The following TNFRSF10D variants were observed in gnomAD, a reference collection of about 807,000 sequenced individuals.
TNFRSF10D encodes the protein TNF receptor superfamily member 10d.
Under a neutral mutation model 42.1 loss-of-function variants are expected in TNFRSF10D, and 28 were observed. The ratio of observed to expected loss-of-function variants is 0.66; its 90% CI spans 0.49 to 0.91. The LOEUF (loss-of-function observed/expected upper bound fraction) is 0.91, where lower values mean the gene tolerates loss of function less well. TNFRSF10D is among the 40% of genes least tolerant of loss of function. The pLI is 0.00. For missense variants in TNFRSF10D, 503 were observed against 486.1 expected, an observed-to-expected ratio of 1.03 and a Z score of -0.33; for synonymous variants, 186 against 189.4, an observed-to-expected ratio of 0.98 and a Z score of 0.15.
intron 2 of TNFRSF10D, among the ~76,000 whole-genome samples, chr8:23,153,300 G>T (rs1015340407): frequency 6.6e-6 from 1 of 152,170 alleles, no homozygotes; most frequent in East Asian, 1.9e-4. Flanking sequence ...TCTTCATGAC[G>T]TTGGTGTGGG....
rs1814359286 is a variant in TNFRSF10D, at chr8:23,137,719, C to G, written c.*151G>C. The G allele has an allele frequency of 9.8e-7, 1 of 1,021,618 alleles. No homozygotes were observed. The highest frequency in any genetic ancestry group is 1.4e-6 in the Non-Finnish European group (1 of 722,418). 63.3% of individuals were successfully genotyped at this position (1,021,618 alleles called of 1,614,324 possible). A position where few individuals can be genotyped will look rare whatever the true frequency, so the allele number is the denominator to read the frequency against. ...ATAAAAATTACTCCAAGTGCGTTAA[C>G]AAAGTTCTAGGACCATTGGTAAGCT... On this transcript the variant is annotated 3_prime_UTR_variant, in exon 9 of 9. Coordinates refer to ENST00000312584, the MANE Select transcript of TNFRSF10D (RefSeq NM_003840.5).
chr8:23,143,534 C>CAT (rs1198898692), intron 7 of TNFRSF10D, among the ~76,000 whole-genome samples: 938 of 151,876 alleles, frequency 6.2e-3, no homozygotes, highest in African/African-American at 0.019. Context: ...TTGTTTATTT[C>CAT]CTTACCTTTT....
rs1814312673 is a variant in TNFRSF10D, at chr8:23,135,781, G to A, written c.*2089C>T. The A allele has an allele frequency of 4.8e-6, 2 of 420,460 alleles. No homozygotes were observed. Among genetic ancestry groups the A allele is most frequent in the Admixed American group, 5.3e-5 (2 of 37,842 alleles). 26.0% of individuals were successfully genotyped at this position (420,460 alleles called of 1,614,324 possible). A position where few individuals can be genotyped will look rare whatever the true frequency, so the allele number is the denominator to read the frequency against. On this transcript the variant is annotated 3_prime_UTR_variant, in exon 9 of 9. Transcript: ENST00000312584. ...AATAAGCTTAAACACTGATAAGGCT[G>A]GTAGTCTAGATGCATCTTCAAGGAA...
intron 7 of TNFRSF10D, among the ~76,000 whole-genome samples, chr8:23,143,877 A>C (rs77678670): frequency 0.021 from 3,160 of 151,002 alleles, 105 homozygotes; most frequent in African/African-American, 0.069. Context: ...TTAAAAAAAA[A>C]CAAATGTGTG....
At chr8:23,140,081 A>C (rs1765970255) in intron 7 of TNFRSF10D, among the ~76,000 whole-genome samples, 1 of 152,174 alleles carries the variant, frequency 6.6e-6, no homozygotes, top group Non-Finnish European at 1.5e-5. Flanking sequence ...CAAGGTCAGG[A>C]GATCGAGACC....
chr8:23,162,714 C>T (rs1488056231), intron 1 of TNFRSF10D, among the ~76,000 whole-genome samples: 369 of 151,138 alleles, frequency 2.4e-3, no homozygotes, highest in African/African-American at 7.7e-3. Context: ...CGCGGTCCTG[C>T]CTATGGGATA....
At chr8:23,156,891 T>C (rs1487271320) in intron 1 of TNFRSF10D, among the ~76,000 whole-genome samples, 1 of 152,232 alleles carries the variant, frequency 6.6e-6, no homozygotes, top group East Asian at 1.9e-4. Flanking sequence ...TTTTTGTGGT[T>C]TCTATTCTAT....
At chr8:23,140,764 T>C (rs1814450702) in intron 7 of TNFRSF10D, among the ~76,000 whole-genome samples, 1 of 152,234 alleles carries the variant, frequency 6.6e-6, no homozygotes, top group African/African-American at 2.4e-5. Flanking sequence ...CTCTCTTGCC[T>C]GTCGCCATGT....
At chr8:23,149,005 A>G (rs1316081545) in intron 2 of TNFRSF10D, among the ~76,000 whole-genome samples, 1 of 151,574 alleles carries the variant, frequency 6.6e-6, no homozygotes, top group Non-Finnish European at 1.5e-5. Context: ...CCTGGCTAAC[A>G]CAGTGAAACC....
chr8:23,147,338 G>T lies in TNFRSF10D; in HGVS notation c.371-266C>A, dbSNP rs567879186. Among the ~76,000 whole-genome samples, 18 of 152,344 alleles carry T rather than the reference G, an allele frequency of 1.2e-4. No homozygotes were observed. The South Asian group carries it at 3.7e-3, about 32-fold the overall frequency. ...TGGCATGGTCAGTAGCAAGGGAGGC[G>T]CAAGGGCATCACCTGAGAGACTCTG... is the stretch of plus-strand genomic sequence containing the variant. On this transcript the variant is annotated intron_variant, in intron 3 of 8. Transcript: ENST00000312584.
At chr8:23,141,504 CAA>C (rs59373667) in intron 7 of TNFRSF10D, among the ~76,000 whole-genome samples, 9 of 133,358 alleles carry the variant, frequency 6.7e-5, no homozygotes, top group African/African-American at 8.6e-5. Flanking sequence ...GAGTACATCT[CAA>C]AAAAAAAAAA....
In TNFRSF10D at chr8:23,136,453, C is replaced by G. The variant is rs1042150360; in HGVS notation, c.*1417G>C. ...CAGACCACCAGAAGCGAGAGGGGCC[C>G]ATCCATGCCTGAGTCGGCAACCATT... On this transcript the variant is annotated 3_prime_UTR_variant, in exon 9 of 9. Transcript: ENST00000312584. 2 of 172,444 alleles carry G rather than the reference C, an allele frequency of 1.2e-5. No individual in the cohort carries two copies. Among genetic ancestry groups the G allele is most frequent in the African/African-American group, 4.8e-5 (2 of 41,706 alleles). The allele number at this position is 172,444 out of a possible 1,614,324, so 10.7% of individuals were successfully genotyped here.
At chr8:23,161,450 C>T (rs1224737540) in intron 1 of TNFRSF10D, among the ~76,000 whole-genome samples, 1 of 152,244 alleles carries the variant, frequency 6.6e-6, no homozygotes, top group African/African-American at 2.4e-5. Context: ...CAGCTCCAGG[C>T]TCATCTGATG....
intron 2 of TNFRSF10D, among the ~76,000 whole-genome samples, chr8:23,154,165 T>C (rs2128838781): frequency 6.6e-6 from 1 of 152,284 alleles, no homozygotes; most frequent in South Asian, 2.1e-4. Flanking sequence ...ATCTTAAAAC[T>C]TGATCTCATA....
At chr8:23,141,061 A>G (rs934911129) in intron 7 of TNFRSF10D, among the ~76,000 whole-genome samples, 1 of 152,222 alleles carries the variant, frequency 6.6e-6, no homozygotes, top group African/African-American at 2.4e-5. Context: ...ACCATGAACT[A>G]TAAGAATTCT....
At chr8:23,144,932 C>T (rs1800093151) in intron 6 of TNFRSF10D, 126 bp downstream of exon 6, 1 of 1,423,554 alleles carries the variant, frequency 7.0e-7, no homozygotes, top group South Asian at 1.2e-5. Context: ...GCCCAGATCC[C>T]CCAGGCCATG....
At chr8:23,153,762 A>G (rs1024712719) in intron 2 of TNFRSF10D, among the ~76,000 whole-genome samples, 3 of 152,258 alleles carry the variant, frequency 2.0e-5, no homozygotes, top group Non-Finnish European at 2.9e-5. Flanking sequence ...ACACTGGTAC[A>G]CTGTTGGTGG....
At chr8:23,161,692 T>A (rs1800369718) in intron 1 of TNFRSF10D, among the ~76,000 whole-genome samples, 1 of 152,216 alleles carries the variant, frequency 6.6e-6, no homozygotes. Flanking sequence ...TACATAACAA[T>A]GTGATGAATC....
In TNFRSF10D at chr8:23,136,620, G is replaced by C. The variant is rs987445762; in HGVS notation, c.*1250C>G. 6.5e-6 allele frequency: 1 copy of C among 152,860 alleles called. No individual in the cohort carries two copies. The highest frequency in any genetic ancestry group is 2.4e-5 in the African/African-American group (1 of 41,442). The allele number at this position is 152,860 out of a possible 1,614,324, so 9.5% of individuals were successfully genotyped here. A position where few individuals can be genotyped will look rare whatever the true frequency, so the allele number is the denominator to read the frequency against. On this transcript the variant is annotated 3_prime_UTR_variant, in exon 9 of 9. Transcript: ENST00000312584. ...AACTGTAATGGCGCTTGAAAGAGAA[G>C]CTCTTCGCAGTCTCGGATCTAACTT...
Sources: gnomAD v4.1 joint callset for allele counts (sites outside exome capture counted in the v4.1 genomes callset) on GRCh38, gnomAD v4.1.1 for gene constraint, MANE v1.5 for transcripts, NCBI Gene and HGNC (gene_info 2026-07-23, HGNC 2026-07-21) for gene names.